CAMKMT: variants seen among roughly 807,000 people sequenced by gnomAD.
CAMKMT encodes calmodulin-lysine N-methyltransferase, also known as CaM KMT.
A neutral mutation model predicts 48.0 loss-of-function variants in CAMKMT; 53 were observed. The observed-to-expected ratio is 1.10, with a 90% CI of 0.89 to 1.39. The LOEUF is 1.39. Among genes scored for constraint, CAMKMT ranks in the 40% most tolerant of loss-of-function variants. The pLI, the probability that CAMKMT is intolerant of heterozygous loss-of-function variation, is 0.00. For synonymous variants in CAMKMT, 165 were observed against 152.3 expected, an observed-to-expected ratio of 1.08 and a Z score of -0.61; for missense variants, 428 against 402.7, an observed-to-expected ratio of 1.06 and a Z score of -0.54.
chr2:44,547,815 A>G (rs183376178), intron 3 of CAMKMT, among the ~76,000 whole-genome samples: 24 of 152,260 alleles, frequency 1.6e-4, no homozygotes, highest in African/African-American at 5.8e-4. Flanking sequence ...CTCTTTCCTT[A>G]TCTCTAACGG....
chr2:44,629,885 G>C (rs1418272727), intron 3 of CAMKMT, among the ~76,000 whole-genome samples: 86 of 151,974 alleles, frequency 5.7e-4, no homozygotes, highest in African/African-American at 2.0e-3. Flanking sequence ...CACAGAATTG[G>C]AAAAAACTAC....
chr2:44,597,206 G>A (rs1473162891), intron 3 of CAMKMT, among the ~76,000 whole-genome samples: 1 of 152,176 alleles, frequency 6.6e-6, no homozygotes, highest in Non-Finnish European at 1.5e-5. Context: ...ACTGTGATAT[G>A]ACTGCTTTTA....
chr2:44,734,263 C>T (rs1017324889), intron 7 of CAMKMT, among the ~76,000 whole-genome samples: 4 of 152,152 alleles, frequency 2.6e-5, no homozygotes, highest in African/African-American at 9.6e-5. Context: ...TATTTTCATT[C>T]AACGCAAAAT....
chr2:44,453,649 T>C (rs1002593607), intron 3 of CAMKMT, among the ~76,000 whole-genome samples: 4 of 152,098 alleles, frequency 2.6e-5, no homozygotes, highest in African/African-American at 9.6e-5. Flanking sequence ...ATGTAGTTTA[T>C]AGCGCAAACA....
chr2:44,563,522 G>A (rs561141150), intron 3 of CAMKMT, among the ~76,000 whole-genome samples: 41 of 147,670 alleles, frequency 2.8e-4, no homozygotes, highest in African/African-American at 9.7e-4. Context: ...TGTGCACAAC[G>A]TGCAGGTTTG....
At chr2:44,365,986 T>A (rs1678549188) in intron 1 of CAMKMT, among the ~76,000 whole-genome samples, 1 of 152,218 alleles carries the variant, frequency 6.6e-6, no homozygotes, top group African/African-American at 2.4e-5. Context: ...ATATTCCAAG[T>A]GAAGTTATTT....
chr2:44,737,002 G>T (rs527755149), intron 7 of CAMKMT, among the ~76,000 whole-genome samples: 1 of 152,102 alleles, frequency 6.6e-6, no homozygotes, highest in East Asian at 1.9e-4. Flanking sequence ...TGTCATTATG[G>T]TTTCTATTTT....
intron 3 of CAMKMT, among the ~76,000 whole-genome samples, chr2:44,588,585 C>T (rs1249863673): frequency 3.2e-4 from 11 of 34,490 alleles, no homozygotes; most frequent in African/African-American, 1.4e-3. Context: ...CCAGCCGCCC[C>T]GTCCAGGAGG....
intron 3 of CAMKMT, among the ~76,000 whole-genome samples, chr2:44,497,244 A>C (rs559563169): frequency 7.6e-4 from 116 of 152,318 alleles, no homozygotes; most frequent in African/African-American, 2.7e-3. Flanking sequence ...TTCACAAGAA[A>C]TATTTTGTGT....
intron 3 of CAMKMT, among the ~76,000 whole-genome samples, chr2:44,536,225 A>G (rs1175795281): frequency 6.6e-6 from 1 of 152,204 alleles, no homozygotes; most frequent in Non-Finnish European, 1.5e-5. Context: ...AACAAATGGA[A>G]AGATATTCCA....
At chr2:44,735,087 A>C (rs918475220) in intron 7 of CAMKMT, among the ~76,000 whole-genome samples, 1 of 152,148 alleles carries the variant, frequency 6.6e-6, no homozygotes, top group Non-Finnish European at 1.5e-5. Context: ...TGACCCTTTA[A>C]CATTGTAAAG....
intron 1 of CAMKMT, among the ~76,000 whole-genome samples, chr2:44,368,914 C>T (rs979723285): frequency 1.3e-5 from 2 of 152,090 alleles, no homozygotes; most frequent in African/African-American, 2.4e-5. Flanking sequence ...CTGTTGCCTG[C>T]GCTGGAGTGC....
At position 44,431,096 on chromosome 2, in the gene CAMKMT, T is replaced by C. The variant is rs111866740; in HGVS notation, c.376+40791T>C. 1.7e-3 allele frequency among the ~76,000 whole-genome samples: 264 copies of C among 152,308 alleles called. No individual in the cohort carries two copies. The Middle Eastern group carries it at 0.027, about 16-fold the overall frequency. On this transcript the variant is annotated intron_variant, in intron 3 of 10. Transcript: ENST00000378494. The stretch of plus-strand genomic sequence containing the variant: ...ATTCAGGATAAAAGTGAGAATAATA[T>C]TGATTTAAATTAGGTCAGCACAATT...
intron 3 of CAMKMT, among the ~76,000 whole-genome samples, chr2:44,631,108 A>G (rs1267038511): frequency 2.0e-5 from 3 of 152,224 alleles, no homozygotes; most frequent in African/African-American, 7.2e-5. Context: ...GAACATGGAT[A>G]AAGTTGGAAA....
At chr2:44,368,808 T>G (rs1360271558) in intron 1 of CAMKMT, among the ~76,000 whole-genome samples, 2 of 152,184 alleles carry the variant, frequency 1.3e-5, no homozygotes, top group African/African-American at 4.8e-5. Context: ...AAGAGTAAGC[T>G]CTGTTGAGTA....
intron 3 of CAMKMT, among the ~76,000 whole-genome samples, chr2:44,478,266 T>C (rs1033511008): frequency 3.3e-5 from 5 of 152,214 alleles, no homozygotes; most frequent in Admixed American, 3.3e-4. Context: ...AATTGGGTAT[T>C]ATTTTGTTTC....
intron 3 of CAMKMT, among the ~76,000 whole-genome samples, chr2:44,683,450 C>T (rs1413432823): frequency 6.6e-6 from 1 of 152,202 alleles, no homozygotes; most frequent in Non-Finnish European, 1.5e-5. Flanking sequence ...AACTAGCTAG[C>T]CTCTGTGTGC....
Position 44,390,271 on chromosome 2 carries a change from T to A in CAMKMT, c.342T>A (p.Asp114Glu). 1 of 1,610,384 alleles carries A rather than the reference T, an allele frequency of 6.2e-7. No homozygotes were observed. The highest frequency in any genetic ancestry group is 8.5e-7 in the Non-Finnish European group (1 of 1,178,438). The change falls in exon 3 of 11, where the codon GAT becomes GAA. Residue 114 changes from aspartate to glutamate, a missense_variant. Coordinates refer to ENST00000378494, the MANE Select transcript of CAMKMT (RefSeq NM_024766.5). ...ATAGTGGATCCTTGAATGTTGAAGA[T>A]GTCCTTACCAGCTTTGACAATACAG... ...RHNSGSLNVE[D>E]VLTSFDNTGN...
intron 3 of CAMKMT, among the ~76,000 whole-genome samples, chr2:44,617,122 A>C (rs559139831): frequency 3.9e-5 from 6 of 152,326 alleles, no homozygotes; most frequent in Admixed American, 1.3e-4. Flanking sequence ...AAATACCCAC[A>C]CAAGAGACTG....
Sources: allele counts gnomAD v4.1 joint callset (sites outside exome capture counted in the v4.1 genomes callset), GRCh38; gene constraint gnomAD v4.1.1; transcripts MANE v1.5; gene names NCBI Gene and HGNC (gene_info 2026-07-23, HGNC 2026-07-21).